Variants in RBM47 observed in about 807,000 individuals in gnomAD.
RBM47 encodes RNA-binding protein 47.
RBM47 carries 21 observed loss-of-function variants against 47.1 expected under a neutral mutation model. The ratio of observed to expected loss-of-function variants is 0.45; its 90% CI spans 0.32 to 0.64. The LOEUF (loss-of-function observed/expected upper bound fraction) is 0.64, where lower values mean the gene tolerates loss of function less well. Among genes scored for constraint, RBM47 ranks in the 30% least tolerant of loss-of-function variants. The probability of loss-of-function intolerance (pLI) is 0.05; values close to 1 mark genes in which losing one functional copy is unlikely to be tolerated. For missense variants in RBM47, 708 were observed against 870.9 expected, an observed-to-expected ratio of 0.81 and a Z score of 2.35; for synonymous variants, 375 against 361.7, an observed-to-expected ratio of 1.04 and a Z score of -0.42.
chr4:40,495,928 G>A (rs1257551596), intron 2 of RBM47, among the ~76,000 whole-genome samples: 1 of 152,104 alleles, frequency 6.6e-6, no homozygotes, highest in South Asian at 2.1e-4. Context: ...GCTGATTGCC[G>A]CTTACATGCT....
chr4:40,531,351 T>C (rs1462814405), intron 2 of RBM47, among the ~76,000 whole-genome samples: 2 of 151,826 alleles, frequency 1.3e-5, no homozygotes, highest in Non-Finnish European at 2.9e-5. Context: ...TGGGGTTCTC[T>C]GTATAGAGGA....
intron 1 of RBM47, among the ~76,000 whole-genome samples, chr4:40,575,987 G>A (rs1327015320): frequency 2.0e-5 from 3 of 152,184 alleles, no homozygotes; most frequent in Non-Finnish European, 4.4e-5. Context: ...TGGCCAGGAG[G>A]GCATTGTTAA....
chr4:40,463,172 A>G (rs891975630), intron 3 of RBM47, among the ~76,000 whole-genome samples: 3 of 152,242 alleles, frequency 2.0e-5, no homozygotes, highest in Non-Finnish European at 4.4e-5. Context: ...TATACATTAT[A>G]CATCCGCAAA....
chr4:40,430,999 G>T (rs1403330187), intron 6 of RBM47, among the ~76,000 whole-genome samples: 1 of 152,062 alleles, frequency 6.6e-6, no homozygotes, highest in Non-Finnish European at 1.5e-5. Flanking sequence ...TGGGAGGATT[G>T]CTTGAACCAG....
intron 2 of RBM47, among the ~76,000 whole-genome samples, chr4:40,472,854 A>G (rs1373250916): frequency 1.3e-5 from 2 of 152,150 alleles, no homozygotes; most frequent in African/African-American, 4.8e-5. Context: ...CCCCTTTTAT[A>G]GTTTTTGCCA....
chr4:40,468,272 G>A (rs1718347942), intron 2 of RBM47, among the ~76,000 whole-genome samples: 1 of 152,156 alleles, frequency 6.6e-6, no homozygotes, highest in South Asian at 2.1e-4. Flanking sequence ...GGGCGACAGA[G>A]CAAGACTGTC....
intron 2 of RBM47, among the ~76,000 whole-genome samples, chr4:40,530,028 C>A (rs746932611): frequency 7.2e-6 from 1 of 138,508 alleles, no homozygotes; most frequent in Admixed American, 7.1e-5. Flanking sequence ...CTCCGCTTCC[C>A]GGGTTCAAGC....
At chr4:40,454,473 T>A (rs1445748827) in intron 3 of RBM47, among the ~76,000 whole-genome samples, 1 of 152,098 alleles carries the variant, frequency 6.6e-6, no homozygotes, top group Non-Finnish European at 1.5e-5. Context: ...TTTTAATTTT[T>A]TTATTATTTA....
At chr4:40,533,463 A>G (rs997186013) in intron 2 of RBM47, among the ~76,000 whole-genome samples, 3 of 151,318 alleles carry the variant, frequency 2.0e-5, no homozygotes, top group African/African-American at 4.8e-5. Context: ...AGAAGAAGGG[A>G]AAAAAAAGCT....
At chr4:40,560,996 C>T (rs1446018345) in intron 1 of RBM47, among the ~76,000 whole-genome samples, 1 of 151,822 alleles carries the variant, frequency 6.6e-6, no homozygotes, top group Admixed American at 6.6e-5. Context: ...CTGCTATTCC[C>T]TTTTCTCTCA....
chr4:40,623,120 G>A (rs1280850974), intron 1 of RBM47, among the ~76,000 whole-genome samples: 4 of 152,130 alleles, frequency 2.6e-5, no homozygotes, highest in Non-Finnish European at 4.4e-5. Flanking sequence ...AGTTCCCACC[G>A]GAGAAGTGAC....
At chr4:40,575,507 G>A (rs375856248) in intron 1 of RBM47, among the ~76,000 whole-genome samples, 15 of 138,506 alleles carry the variant, frequency 1.1e-4, no homozygotes, top group African/African-American at 2.5e-4. Context: ...AGTCGAGATC[G>A]TGCCACTGCA....
chr4:40,481,552 A>C, intron 2 of RBM47, among the ~76,000 whole-genome samples: 1 of 143,228 alleles, frequency 7.0e-6, no homozygotes, highest in East Asian at 2.0e-4. Flanking sequence ...CTGGATCATG[A>C]TGTGGCTTTT....
intron 2 of RBM47, among the ~76,000 whole-genome samples, chr4:40,538,328 GTTT>G (rs34309510): frequency 7.9e-6 from 1 of 125,796 alleles, no homozygotes. Context: ...TATTGGTATT[GTTT>G]TTTTTTTTTT....
At chr4:40,436,988 C>A in intron 4 of RBM47, 1 of 400,420 alleles carries the variant, frequency 2.5e-6, no homozygotes, top group Non-Finnish European at 5.0e-6. Flanking sequence ...GCCTGTAATC[C>A]CAGCACTTTG....
At chr4:40,539,871 T>C (rs1728341416) in intron 2 of RBM47, among the ~76,000 whole-genome samples, 1 of 149,984 alleles carries the variant, frequency 6.7e-6, no homozygotes, top group Non-Finnish European at 1.5e-5. Flanking sequence ...AATTCCAAAA[T>C]ATGAAGAGCC....
At chr4:40,596,604 T>G (rs955660521) in intron 1 of RBM47, among the ~76,000 whole-genome samples, 5 of 152,150 alleles carry the variant, frequency 3.3e-5, no homozygotes, top group Non-Finnish European at 5.9e-5. Flanking sequence ...CCAATAACAT[T>G]GTATTTATGG....
chr4:40,434,797 T>G (rs980326064), intron 5 of RBM47, among the ~76,000 whole-genome samples: 2 of 151,940 alleles, frequency 1.3e-5, no homozygotes, highest in Non-Finnish European at 2.9e-5. Flanking sequence ...GGCCAATGTG[T>G]ACCTATGTCC....
At chr4:40,531,461 T>C (rs1189183285) in intron 2 of RBM47, among the ~76,000 whole-genome samples, 2 of 151,626 alleles carry the variant, frequency 1.3e-5, no homozygotes, top group African/African-American at 2.4e-5. Flanking sequence ...TGGTTGGAGA[T>C]AAGGGGATAG....
Sources: gnomAD v4.1 joint callset for allele counts (sites outside exome capture counted in the v4.1 genomes callset) on GRCh38, gnomAD v4.1.1 for gene constraint, MANE v1.5 for transcripts, NCBI Gene and HGNC (gene_info 2026-07-23, HGNC 2026-07-21) for gene names.